FMN1: variants seen among roughly 807,000 people sequenced by gnomAD.
The protein encoded by FMN1 is formin-1.
Under a neutral mutation model 132.4 loss-of-function variants are expected in FMN1, and 110 were observed. The ratio of observed to expected loss-of-function variants is 0.83; its 90% confidence interval spans 0.71 to 0.97. FMN1 has a LOEUF of 0.97. Ranked by LOEUF, FMN1 falls within the 50% of genes least tolerant of loss-of-function variation. The probability of loss-of-function intolerance (pLI) is 0.00; values close to 1 mark genes in which losing one functional copy is unlikely to be tolerated. For missense variants in FMN1, 1,792 were observed against 1,705.3 expected, an observed-to-expected ratio of 1.05 and a Z score of -0.90; for synonymous variants, 722 against 651.7, an observed-to-expected ratio of 1.11 and a Z score of -1.64.
intron 7 of FMN1, among the ~76,000 whole-genome samples, chr15:32,990,386 T>A (rs1235656318): frequency 6.6e-6 from 1 of 152,020 alleles, no homozygotes; most frequent in African/African-American, 2.4e-5. Flanking sequence ...CAACACTGAC[T>A]CTCCAGGATC....
At chr15:32,923,060 T>C (rs565790771) in intron 10 of FMN1, among the ~76,000 whole-genome samples, 1 of 152,326 alleles carries the variant, frequency 6.6e-6, no homozygotes, top group East Asian at 1.9e-4. Flanking sequence ...TACATCAGCT[T>C]CTTGTGAGTT....
At chr15:33,032,726 T>C (rs1299041098) in intron 6 of FMN1, among the ~76,000 whole-genome samples, 1 of 152,172 alleles carries the variant, frequency 6.6e-6, no homozygotes, top group East Asian at 1.9e-4. Flanking sequence ...AGATCATGAC[T>C]ACTGTAGATG....
At chr15:32,898,757 C>A in intron 15 of FMN1, 77 bp downstream of exon 15, 1 of 943,018 alleles carries the variant, frequency 1.1e-6, no homozygotes, top group Non-Finnish European at 1.7e-6. Flanking sequence ...TTCGTTCATC[C>A]ATCTATCCAT....
intron 6 of FMN1, among the ~76,000 whole-genome samples, chr15:33,026,440 TTC>T (rs1234248993): frequency 1.9e-5 from 1 of 53,582 alleles, no homozygotes; most frequent in Non-Finnish European, 5.2e-5. Flanking sequence ...ACACACACAC[TTC>T]TGTTTATAAG....
chr15:33,038,143 G>A (rs758559953), intron 6 of FMN1, among the ~76,000 whole-genome samples: 12 of 152,184 alleles, frequency 7.9e-5, no homozygotes, highest in Middle Eastern at 3.2e-3. Context: ...CAGGAGAATC[G>A]CTTCTATCCA....
At chr15:32,891,001 T>G (rs2141512606) in intron 15 of FMN1, among the ~76,000 whole-genome samples, 1 of 152,338 alleles carries the variant, frequency 6.6e-6, no homozygotes. Flanking sequence ...GGGTGTCCTT[T>G]TCCCACTTTA....
intron 4 of FMN1, among the ~76,000 whole-genome samples, chr15:33,098,740 G>C (rs2141402810): frequency 6.6e-6 from 1 of 152,310 alleles, no homozygotes; most frequent in East Asian, 1.9e-4. Context: ...GCTGAATCAA[G>C]ATTTTGGAGA....
At chr15:33,170,962 A>G (rs1965297585) in intron 3 of FMN1, among the ~76,000 whole-genome samples, 1 of 152,232 alleles carries the variant, frequency 6.6e-6, no homozygotes, top group Non-Finnish European at 1.5e-5. Context: ...CTGCATAGCA[A>G]AAGATATGGA....
chr15:33,130,499 ATT>A (rs931385358), intron 4 of FMN1, among the ~76,000 whole-genome samples: 1 of 152,266 alleles, frequency 6.6e-6, no homozygotes, highest in African/African-American at 2.4e-5. Flanking sequence ...GGTTTAAAAA[ATT>A]AAGGTGATTT....
chr15:32,924,996 A>G (rs2060923083), intron 10 of FMN1, among the ~76,000 whole-genome samples: 1 of 152,232 alleles, frequency 6.6e-6, no homozygotes, highest in South Asian at 2.1e-4. Context: ...TATTGTTTTC[A>G]TGCGAGACAC....
At chr15:33,019,745 G>T (rs558796053) in intron 6 of FMN1, among the ~76,000 whole-genome samples, 1 of 152,222 alleles carries the variant, frequency 6.6e-6, no homozygotes, top group Non-Finnish European at 1.5e-5. Context: ...CACTGCCCGC[G>T]GCAGGGCCGG....
chr15:33,069,523 C>T (rs2037901086), intron 5 of FMN1, among the ~76,000 whole-genome samples: 2 of 152,196 alleles, frequency 1.3e-5, no homozygotes, highest in Non-Finnish European at 2.9e-5. Flanking sequence ...AGGAAAATGA[C>T]AGTCTTGCTT....
intron 3 of FMN1, among the ~76,000 whole-genome samples, chr15:33,176,358 T>C (rs1031311973): frequency 6.6e-6 from 1 of 151,934 alleles, no homozygotes; most frequent in Non-Finnish European, 1.5e-5. Context: ...ATGCAAAAAT[T>C]AGCCAGGCTT....
chr15:33,115,878 C>T (rs992361211), intron 4 of FMN1, among the ~76,000 whole-genome samples: 16 of 152,154 alleles, frequency 1.1e-4, no homozygotes, highest in African/African-American at 3.9e-4. Flanking sequence ...GAGGAATTCT[C>T]CACCACCTTT....
intron 4 of FMN1, among the ~76,000 whole-genome samples, chr15:33,141,213 T>C (rs1204073725): frequency 6.6e-6 from 1 of 152,182 alleles, no homozygotes. Flanking sequence ...CATTATGTTT[T>C]GTGCCTTTAA....
intron 7 of FMN1, 119 bp from the exon 8 acceptor site, chr15:32,969,596 A>C (rs767709603): frequency 6.6e-5 from 74 of 1,113,644 alleles, no homozygotes; most frequent in Admixed American, 5.7e-4. Flanking sequence ...AAATGCAGGG[A>C]AATACAGAGA....
chr15:33,106,582 A>C (rs1270351850), intron 4 of FMN1, among the ~76,000 whole-genome samples: 1 of 152,028 alleles, frequency 6.6e-6, no homozygotes, highest in Non-Finnish European at 1.5e-5. Context: ...CTTTCCATCC[A>C]AGTTCTCCTG....
intron 5 of FMN1, among the ~76,000 whole-genome samples, chr15:33,079,833 T>C (rs2038377297): frequency 6.6e-6 from 1 of 152,238 alleles, no homozygotes; most frequent in Admixed American, 6.5e-5. Context: ...CAGATTACTT[T>C]TTTTTTCAAC....
chr15:33,041,571 C>G (rs541316306), intron 6 of FMN1, among the ~76,000 whole-genome samples: 15 of 151,484 alleles, frequency 9.9e-5, no homozygotes, highest in South Asian at 2.1e-4. Context: ...CTTCAATAGA[C>G]CTTTCTTCCA....
Sources: gnomAD v4.1 joint callset for allele counts (sites outside exome capture counted in the v4.1 genomes callset) on GRCh38, gnomAD v4.1.1 for gene constraint, MANE v1.5 for transcripts, NCBI Gene and HGNC (gene_info 2026-07-23, HGNC 2026-07-21) for gene names.